The following ANKS1B variants were observed in gnomAD, a reference collection of about 807,000 sequenced individuals.
ANKS1B encodes ankyrin repeat and sterile alpha motif domain containing 1B.
In ANKS1B, 36 loss-of-function variants were observed where a neutral mutation model predicts 148.3. The ratio of observed to expected loss-of-function variants is 0.24; its 90% CI spans 0.19 to 0.32. The LOEUF is 0.32. Among genes scored for constraint, ANKS1B ranks in the 10% least tolerant of loss-of-function variants. The pLI is 1.00. For synonymous variants in ANKS1B, 542 were observed against 560.8 expected (o/e 0.97, Z 0.47); for missense variants, 1,157 against 1,542.6 (o/e 0.75, Z 4.19).
At chr12:98,749,434 T>C (rs1424120969) in intron 26 of ANKS1B, among the ~76,000 whole-genome samples, 1 of 152,058 alleles carries the variant, frequency 6.6e-6, no homozygotes, top group Non-Finnish European at 1.5e-5. Flanking sequence ...TGGAGGAAGA[T>C]AGACAATAAG....
chr12:99,539,695 G>A (rs1413443372), intron 9 of ANKS1B, among the ~76,000 whole-genome samples: 1 of 152,104 alleles, frequency 6.6e-6, no homozygotes, highest in Non-Finnish European at 1.5e-5. Context: ...ACAAAGAGAT[G>A]AGCAGAATGG....
chr12:98,756,675 G>A (rs1028782119), intron 25 of ANKS1B, among the ~76,000 whole-genome samples: 28 of 151,240 alleles, frequency 1.9e-4, no homozygotes, highest in Non-Finnish European at 3.2e-4. Context: ...GCAGTGAACC[G>A]AGGTTGTGTG....
chr12:98,895,097 G>C (rs2099762060), intron 17 of ANKS1B: 1 of 981,554 alleles, frequency 1.0e-6, no homozygotes, highest in Non-Finnish European at 1.2e-6. Flanking sequence ...GCGAGGCGGG[G>C]GGGAGGTGTC....
chr12:99,439,353 G>A (rs984689897), intron 11 of ANKS1B, among the ~76,000 whole-genome samples: 1 of 151,676 alleles, frequency 6.6e-6, no homozygotes, highest in Non-Finnish European at 1.5e-5. Flanking sequence ...TTGAGAAAAT[G>A]TTTAGGCAAA....
At chr12:99,076,547 T>C (rs959480021) in intron 16 of ANKS1B, among the ~76,000 whole-genome samples, 1 of 152,146 alleles carries the variant, frequency 6.6e-6, no homozygotes, top group Non-Finnish European at 1.5e-5. Context: ...GAATAGCATA[T>C]AGTCCCATGA....
intron 7 of ANKS1B, among the ~76,000 whole-genome samples, chr12:99,774,063 A>G (rs917819965): frequency 5.3e-5 from 8 of 152,128 alleles, no homozygotes; most frequent in African/African-American, 1.9e-4. Flanking sequence ...AAGAAAACAT[A>G]GGGAAAAAAC....
chr12:99,932,419 C>T (rs753573443), intron 1 of ANKS1B, among the ~76,000 whole-genome samples: 13 of 152,286 alleles, frequency 8.5e-5, no homozygotes, highest in Admixed American at 3.3e-4. Flanking sequence ...CTTTTCTCCA[C>T]ATCTTCTACA....
chr12:99,475,131 C>G (rs2096296682), intron 10 of ANKS1B, among the ~76,000 whole-genome samples: 1 of 150,792 alleles, frequency 6.6e-6, no homozygotes, highest in South Asian at 2.1e-4. Context: ...GTAATCCCAG[C>G]TACTTGGGAG....
At chr12:99,576,455 A>G (rs1034888474) in intron 9 of ANKS1B, among the ~76,000 whole-genome samples, 4 of 152,102 alleles carry the variant, frequency 2.6e-5, no homozygotes, top group African/African-American at 9.6e-5. Context: ...TACACAGCAC[A>G]TACTCTAAGA....
At chr12:98,737,831 T>TAC (rs1357847417) in intron 9 of ANKS1B, among the ~76,000 whole-genome samples, 1 of 152,234 alleles carries the variant, frequency 6.6e-6, no homozygotes, top group African/African-American at 2.4e-5. Context: ...CCTGGAGTGT[T>TAC]TAAGTCAGCA....
At chr12:99,474,200 T>C (rs1444381065) in intron 10 of ANKS1B, among the ~76,000 whole-genome samples, 1 of 152,120 alleles carries the variant, frequency 6.6e-6, no homozygotes, top group Admixed American at 6.5e-5. Flanking sequence ...TCCATTTTCG[T>C]ATGTAAGTCA....
chr12:99,475,162 T>C lies in ANKS1B; in HGVS notation c.1438+29314A>G, dbSNP rs564810937. Among the ~76,000 whole-genome samples the C allele has an allele frequency of 4.7e-4, 71 of 151,066 alleles. 1 individual carries two copies. The South Asian group carries it at 0.011, about 24-fold the overall frequency. On this transcript the variant is annotated intron_variant, in intron 10 of 26. Coordinates refer to ENST00000683438, the MANE Select transcript of ANKS1B (RefSeq NM_001352186.2). ...GGGAGGCTGAGGCAGGAGAATCACT[T>C]GAACCCAGGAAACAGAGGTTTGCAG...
chr12:98,953,535 TG>T (rs199586945), intron 17 of ANKS1B, among the ~76,000 whole-genome samples: 2 of 126,056 alleles, frequency 1.6e-5, no homozygotes, highest in East Asian at 2.4e-4. Flanking sequence ...GAATCTAGAG[TG>T]GTTTTTTTTT....
At chr12:99,264,193 T>C (rs2076207289) in intron 12 of ANKS1B, among the ~76,000 whole-genome samples, 1 of 152,170 alleles carries the variant, frequency 6.6e-6, no homozygotes, top group Non-Finnish European at 1.5e-5. Flanking sequence ...AATTTATTAT[T>C]CTAGGCATTC....
chr12:99,746,888 T>C (rs1172010193), intron 8 of ANKS1B, among the ~76,000 whole-genome samples: 3 of 152,084 alleles, frequency 2.0e-5, no homozygotes, highest in African/African-American at 7.2e-5. Flanking sequence ...GTTTTTTAAA[T>C]CCTTAATCCT....
In ANKS1B at chr12:99,327,229, A is replaced by C. The variant is rs1436466815; in HGVS notation, c.1756+72402T>G. ...TATCTATTATATAATATAATTTATA[A>C]TTATAATAATTATAATTTATTATAA... is the stretch of plus-strand genomic sequence containing the variant. On this transcript the variant is annotated intron_variant, in intron 12 of 26. Transcript: ENST00000683438. 2.5e-5 allele frequency among the ~76,000 whole-genome samples: 3 copies of C among 118,204 alleles called. No individual in the cohort carries two copies. The South Asian group carries it at 6.7e-4, about 27-fold the overall frequency. The allele number at this position is 118,204 out of a possible 152,430, so 77.5% of individuals were successfully genotyped here.
Position 99,508,911 on chromosome 12 carries a change from G to A in ANKS1B, c.1273-4270C>T, listed in dbSNP as rs138851064. 1.3e-3 allele frequency among the ~76,000 whole-genome samples: 198 copies of A among 151,856 alleles called. 1 individual carries two copies. The highest frequency in any genetic ancestry group is 4.5e-3 in the African/African-American group (188 of 41,476). On this transcript the variant is annotated intron_variant, in intron 9 of 26. Coordinates refer to ENST00000683438, the MANE Select transcript of ANKS1B (RefSeq NM_001352186.2). ...AAAAAAATAAAGATTTATGGCAACC[G>A]GGCATTGAGCAAGTCTATCAGCACC...
intron 17 of ANKS1B, among the ~76,000 whole-genome samples, chr12:99,022,388 T>C (rs2099946318): frequency 1.3e-5 from 2 of 152,140 alleles, no homozygotes; most frequent in Admixed American, 6.6e-5. Flanking sequence ...AATTAATCTA[T>C]TGGGTTAAGC....
downstream of ANKS1B, among the ~76,000 whole-genome samples, chr12:98,741,893 A>G (rs2097801568): frequency 6.6e-6 from 1 of 152,218 alleles, no homozygotes; most frequent in African/African-American, 2.4e-5. Context: ...GGAGGGCTGC[A>G]GGCAGGCAGG....
Sources: gnomAD v4.1 joint callset for allele counts (sites outside exome capture counted in the v4.1 genomes callset) on GRCh38, gnomAD v4.1.1 for gene constraint, MANE v1.5 for transcripts, NCBI Gene and HGNC (gene_info 2026-07-23, HGNC 2026-07-21) for gene names.